The following SLC7A8 variants were observed in gnomAD, a reference collection of about 807,000 sequenced individuals.
The protein encoded by SLC7A8 is large neutral amino acids transporter small subunit 2.
SLC7A8 carries 30 observed loss-of-function variants against 51.2 expected under a neutral mutation model. The observed-to-expected ratio is 0.59, with a 90% CI of 0.44 to 0.80. The LOEUF (loss-of-function observed/expected upper bound fraction) is 0.80, where lower values mean the gene tolerates loss of function less well. Among genes scored for constraint, SLC7A8 ranks in the 30% least tolerant of loss-of-function variants. The probability of loss-of-function intolerance (pLI) is 0.00; values close to 1 mark genes in which losing one functional copy is unlikely to be tolerated. For synonymous variants in SLC7A8, 257 were observed against 275.8 expected, an observed-to-expected ratio of 0.93 and a Z score of 0.67; for missense variants, 612 against 674.4, an observed-to-expected ratio of 0.91 and a Z score of 1.03.
Position 23,126,514 on chromosome 14 carries a change from CT to C in SLC7A8, c.*662del, listed in dbSNP as rs1436809115. The stretch of plus-strand genomic sequence containing the variant: ...AGGGCTGGGTTTCTGCAATCTGAAC[CT>C]TTCTCAATATGTTCCTCAACCGCCT... On this transcript the variant is annotated 3_prime_UTR_variant, in exon 11 of 11. Coordinates refer to ENST00000316902, the MANE Select transcript of SLC7A8 (RefSeq NM_012244.4). 1 of 152,988 alleles carries C rather than the reference CT, an allele frequency of 6.5e-6. No homozygotes were observed. The highest frequency in any genetic ancestry group is 2.4e-5 in the African/African-American group (1 of 41,402). 9.5% of individuals were successfully genotyped at this position (152,988 alleles called of 1,614,324 possible). A position where few individuals can be genotyped will look rare whatever the true frequency, so the allele number is the denominator to read the frequency against.
At chr14:23,134,875 TATA>T (rs2048674516) in intron 7 of SLC7A8, among the ~76,000 whole-genome samples, 1 of 152,260 alleles carries the variant, frequency 6.6e-6, no homozygotes, top group African/African-American at 2.4e-5. Flanking sequence ...ACAATTATAT[TATA>T]ATATCACAAC....
rs568937755 is a variant in SLC7A8, at chr14:23,183,113, G to C, written c.-199C>G. On this transcript the variant is annotated 5_prime_UTR_variant, in exon 1 of 11. Transcript: ENST00000316902. ...GCATTCACACTTTCTGGTCACTCGC[G>C]TTTACAAACAAGAAAAGTGTTGCTA... is the stretch of plus-strand genomic sequence containing the variant. The C allele has an allele frequency of 4.2e-5, 6 of 142,756 alleles. No individual in the cohort carries two copies. Among genetic ancestry groups the C allele is most frequent in the African/African-American group, 1.6e-4 (5 of 32,194 alleles). 8.8% of individuals were successfully genotyped at this position (142,756 alleles called of 1,614,324 possible).
intron 3 of SLC7A8, among the ~76,000 whole-genome samples, chr14:23,148,564 T>C (rs1193643427): frequency 2.0e-5 from 3 of 152,172 alleles, no homozygotes; most frequent in Admixed American, 6.5e-5. Context: ...TTATCCTGGA[T>C]TATCCAGAGG....
chr14:23,167,441 GTCTCCTGAT>G (rs2048955484), intron 1 of SLC7A8, among the ~76,000 whole-genome samples: 1 of 152,092 alleles, frequency 6.6e-6, no homozygotes, highest in African/African-American at 2.4e-5. Context: ...CTAGAAGTCA[GTCTCCTGAT>G]ACTTAATCCG....
At chr14:23,153,152 G>A (rs192491375) in intron 3 of SLC7A8, among the ~76,000 whole-genome samples, 7 of 151,846 alleles carry the variant, frequency 4.6e-5, no homozygotes, top group Non-Finnish European at 1.0e-4. Flanking sequence ...TCATTCTGTC[G>A]CCCAGGCTGA....
chr14:23,182,900 G>A lies in SLC7A8; in HGVS notation c.15C>T (p.Ala5=), dbSNP rs1245915217. Residue 5 remains alanine (A), a synonymous_variant, in exon 1 of 11, where the codon GCC becomes GCT. Coordinates refer to ENST00000316902, the MANE Select transcript of SLC7A8 (RefSeq NM_012244.4). ...TCTTTTCGGTGTTGTTTCGGTGCCT[G>A]GCTCCTTCTTCCATCCTTCTCAGTA... The part of the protein sequence containing the change: MEEG[A]RHRNNTEKKH... The A allele has an allele frequency of 1.7e-5, 27 of 1,614,084 alleles. No homozygotes were observed. The highest frequency in any genetic ancestry group is 2.1e-5 in the Non-Finnish European group (25 of 1,180,000).
chr14:23,173,802 G>A (rs771998065), intron 1 of SLC7A8, among the ~76,000 whole-genome samples: 4 of 151,462 alleles, frequency 2.6e-5, no homozygotes, highest in East Asian at 1.9e-4. Context: ...CACCCCACCC[G>A]ACTAATTTTT....
At chr14:23,143,319 C>T (rs2048762783) in intron 3 of SLC7A8, 115 bp from the exon 4 acceptor site, 2 of 1,411,820 alleles carry the variant, frequency 1.4e-6, no homozygotes, top group Non-Finnish European at 1.9e-6. Flanking sequence ...AGTAGGTGAG[C>T]CAGACATCCA....
chr14:23,180,547 C>T (rs1877127098), intron 1 of SLC7A8, among the ~76,000 whole-genome samples: 1 of 152,164 alleles, frequency 6.6e-6, no homozygotes, highest in Non-Finnish European at 1.5e-5. Flanking sequence ...TCTGAAATCA[C>T]ATATTTGGAA....
rs142046212 is a variant in SLC7A8, at chr14:23,140,559, C to G, written c.700G>C (p.Val234Leu). The G allele has an allele frequency of 1.5e-5, 25 of 1,614,014 alleles. No individual in the cohort carries two copies. In the African/African-American group the frequency reaches 3.2e-4, roughly 21 times the overall value. Residue 234 changes from valine (V) to leucine (L), a missense_variant, in exon 5 of 11, where the codon GTC becomes CTC. Transcript: ENST00000316902. Reference sequence around the variant, plus strand: ...GAGCCCTGAAGGAAAGCCAGTGCGACGAGGCCGATGTCAGGTTCCTGGAAA... The same window carrying G: ...GAGCCCTGAAGGAAAGCCAGTGCGAGGAGGCCGATGTCAGGTTCCTGGAAA... ...ENFQEPDIGL[V>L]ALAFLQGSFA...
intron 7 of SLC7A8, among the ~76,000 whole-genome samples, chr14:23,134,229 A>G (rs2048666731): frequency 6.6e-6 from 1 of 152,048 alleles, no homozygotes; most frequent in Non-Finnish European, 1.5e-5. Context: ...AATTTTAAAA[A>G]TCGCAAAATG....
chr14:23,133,780 T>C (rs2048662652), intron 7 of SLC7A8, among the ~76,000 whole-genome samples: 1 of 151,974 alleles, frequency 6.6e-6, no homozygotes, highest in Non-Finnish European at 1.5e-5. Flanking sequence ...GCAGAGATCA[T>C]GCCCTTGCAC....
At chr14:23,151,617 A>T (rs2048847776) in intron 3 of SLC7A8, among the ~76,000 whole-genome samples, 1 of 151,830 alleles carries the variant, frequency 6.6e-6, no homozygotes, top group South Asian at 2.1e-4. Flanking sequence ...AATTAGCCAG[A>T]TGTGGTGACA....
intron 3 of SLC7A8, among the ~76,000 whole-genome samples, chr14:23,151,935 G>T (rs553630777): frequency 6.6e-6 from 1 of 152,066 alleles, no homozygotes; most frequent in East Asian, 1.9e-4. Flanking sequence ...TGTAATGCCA[G>T]CTATTCGGGA....
intron 3 of SLC7A8, chr14:23,155,397 C>T: frequency 1.5e-5 from 22 of 1,473,256 alleles, no homozygotes; most frequent in Non-Finnish European, 2.0e-5. Flanking sequence ...TCTTCCCCTT[C>T]CTTCTTATCC....
At chr14:23,173,206 CAT>C (rs2048983240) in intron 1 of SLC7A8, among the ~76,000 whole-genome samples, 2 of 152,162 alleles carry the variant, frequency 1.3e-5, no homozygotes, top group African/African-American at 2.4e-5. Context: ...AGGGAAGACA[CAT>C]GTGCACAGAC....
chr14:23,126,997 T>G lies in SLC7A8; in HGVS notation c.*180A>C. On this transcript the variant is annotated 3_prime_UTR_variant, in exon 11 of 11. Transcript: ENST00000316902. Reference sequence around the variant, plus strand: ...ATGGACCCTGGGGTGAGAGGCTGGTTCTTTGGGTATGAATGTCAGTTTTTG... The same window carrying G: ...ATGGACCCTGGGGTGAGAGGCTGGTGCTTTGGGTATGAATGTCAGTTTTTG... 1.4e-6 allele frequency: 1 copy of G among 722,462 alleles called. No individual in the cohort carries two copies. The highest frequency in any genetic ancestry group is 1.8e-5 in the South Asian group (1 of 54,724). The allele number at this position is 722,462 out of a possible 1,614,324, so 44.8% of individuals were successfully genotyped here.
intron 3 of SLC7A8, among the ~76,000 whole-genome samples, chr14:23,148,497 G>A (rs557933313): frequency 5.6e-4 from 85 of 152,262 alleles, no homozygotes; most frequent in South Asian, 1.2e-3. Context: ...CAAAGTGCTG[G>A]GATTACAGGC....
intron 3 of SLC7A8, among the ~76,000 whole-genome samples, chr14:23,144,445 T>G (rs1162293321): frequency 1.3e-5 from 2 of 151,712 alleles, no homozygotes; most frequent in Non-Finnish European, 2.9e-5. Context: ...CAACTCTTCA[T>G]GTGCTTATTT....
Sources: allele counts gnomAD v4.1 joint callset (sites outside exome capture counted in the v4.1 genomes callset), GRCh38; gene constraint gnomAD v4.1.1; transcripts MANE v1.5; gene names NCBI Gene and HGNC (gene_info 2026-07-23, HGNC 2026-07-21).